Variants in POU6F2 observed in about 807,000 individuals in gnomAD.
POU6F2 encodes POU domain, class 6, transcription factor 2.
POU6F2 carries 31 observed loss-of-function variants against 71.3 expected under a neutral mutation model. The ratio of observed to expected loss-of-function variants is 0.43; its 90% confidence interval spans 0.33 to 0.59. The LOEUF (loss-of-function observed/expected upper bound fraction) is 0.59. Ranked by LOEUF, POU6F2 falls within the 20% of genes least tolerant of loss-of-function variation. The probability of loss-of-function intolerance (pLI) is 0.04; values close to 1 mark genes in which losing one functional copy is unlikely to be tolerated. For synonymous variants in POU6F2, 347 were observed against 355.7 expected, an observed-to-expected ratio of 0.98 and a Z score of 0.27; for missense variants, 783 against 856.8, an observed-to-expected ratio of 0.91 and a Z score of 1.07.
At chr7:39,171,945 G>A (rs1793225830) in intron 2 of POU6F2, among the ~76,000 whole-genome samples, 1 of 152,112 alleles carries the variant, frequency 6.6e-6, no homozygotes, top group African/African-American at 2.4e-5. Context: ...TTGCTTTTTT[G>A]TTTATTTGTT....
intron 5 of POU6F2, among the ~76,000 whole-genome samples, chr7:39,369,180 G>C (rs188684214): frequency 5.3e-5 from 8 of 152,254 alleles, no homozygotes; most frequent in African/African-American, 1.9e-4. Context: ...TGGTTGCTAA[G>C]ACAGCAGCAG....
intron 1 of POU6F2, among the ~76,000 whole-genome samples, chr7:39,071,554 C>G (rs1790879998): frequency 6.6e-6 from 1 of 151,792 alleles, no homozygotes; most frequent in African/African-American, 2.4e-5. Context: ...TGACTGACAC[C>G]TGTAATCCCA....
intron 4 of POU6F2, among the ~76,000 whole-genome samples, chr7:39,216,525 G>A (rs527482648): frequency 1.4e-4 from 22 of 152,222 alleles, no homozygotes; most frequent in Non-Finnish European, 2.6e-4. Context: ...CTGAAGTGGG[G>A]GACAGGTGAA....
At chr7:39,139,085 G>T (rs928904961) in intron 2 of POU6F2, among the ~76,000 whole-genome samples, 1 of 152,112 alleles carries the variant, frequency 6.6e-6, no homozygotes, top group Admixed American at 6.6e-5. Context: ...AAGAATTTTT[G>T]AACCAGGGGC....
intron 4 of POU6F2, among the ~76,000 whole-genome samples, chr7:39,285,306 T>C (rs561386250): frequency 1.0e-3 from 157 of 152,314 alleles, no homozygotes; most frequent in African/African-American, 3.8e-3. Context: ...GATGCACAGA[T>C]TGACAAAGGG....
chr7:39,442,447 CTT>C (rs1299114204), intron 7 of POU6F2, among the ~76,000 whole-genome samples: 1 of 152,236 alleles, frequency 6.6e-6, no homozygotes, highest in Non-Finnish European at 1.5e-5. Flanking sequence ...GAGACAGAGA[CTT>C]TGTCTTCTCA....
intron 2 of POU6F2, among the ~76,000 whole-genome samples, chr7:39,170,653 A>G (rs1793199631): frequency 6.6e-6 from 1 of 152,172 alleles, no homozygotes; most frequent in South Asian, 2.1e-4. Flanking sequence ...TGGAACAAAA[A>G]TCAGAATTAA....
At chr7:39,060,207 CAA>C (rs879331093) in intron 1 of POU6F2, among the ~76,000 whole-genome samples, 5 of 129,408 alleles carry the variant, frequency 3.9e-5, no homozygotes, top group African/African-American at 8.6e-5. Flanking sequence ...AATTCCGTCT[CAA>C]AAAAAAAAAA....
chr7:39,341,773 C>T (rs1785922196), intron 5 of POU6F2, among the ~76,000 whole-genome samples: 1 of 152,156 alleles, frequency 6.6e-6, no homozygotes, highest in Non-Finnish European at 1.5e-5. Flanking sequence ...TCAGCCTTCC[C>T]TGAACACTGT....
At chr7:39,333,650 A>G (rs1167014078) in intron 4 of POU6F2, among the ~76,000 whole-genome samples, 1 of 152,222 alleles carries the variant, frequency 6.6e-6, no homozygotes, top group African/African-American at 2.4e-5. Flanking sequence ...AGGCAGGAGA[A>G]TCGCTTGAAC....
At chr7:38,993,810 T>C (rs987134863) in intron 1 of POU6F2, among the ~76,000 whole-genome samples, 1 of 152,144 alleles carries the variant, frequency 6.6e-6, no homozygotes. Context: ...GAGTGCGTAT[T>C]TCGGAGCACT....
rs560906126 is a variant in POU6F2 at position 39,004,431 on chromosome 7, C to T, written c.105+26373C>T. 7.2e-5 allele frequency among the ~76,000 whole-genome samples: 11 copies of T among 152,314 alleles called. 1 individual carries two copies. In the South Asian group the frequency reaches 2.3e-3, roughly 32 times the overall value. On this transcript the variant is annotated intron_variant, in intron 1 of 9. Transcript: ENST00000518318. The stretch of plus-strand genomic sequence containing the variant: ...TTTTCCTGTTTCCTTGCATTCTGGA[C>T]ATTTTGAATGAGAATTTGTTCCACT...
In POU6F2 at chr7:39,464,119, C is replaced by T; in HGVS notation, c.1659-63C>T. 6.5e-7 allele frequency: 1 copy of T among 1,545,380 alleles called. No individual in the cohort carries two copies. The highest frequency in any genetic ancestry group is 1.9e-5 in the Admixed American group (1 of 53,740). ...CCTGCCAGGCAGTCAGGCAGGCAGG[C>T]AGGAGGCCCACCCTGGCAGAGGACT... On this transcript the variant is annotated intron_variant, in intron 9 of 9. Coordinates refer to ENST00000518318, the MANE Select transcript of POU6F2 (RefSeq NM_001370959.1). This position sits in a 1 kb window ranked among gnomAD's most constrained non-coding sequence, Gnocchi z 4.1.
intron 4 of POU6F2, among the ~76,000 whole-genome samples, chr7:39,275,672 CA>C (rs1784423707): frequency 6.6e-6 from 1 of 152,166 alleles, no homozygotes; most frequent in African/African-American, 2.4e-5. Context: ...CTACAGTAAC[CA>C]AAACAGCATG....
Position 39,412,778 on chromosome 7 carries a change from CTTTTTTTTTTTTTTTTTTTT to C in POU6F2, c.1113+6060_1113+6079del, listed in dbSNP as rs1166811956. 2.4e-3 allele frequency among the ~76,000 whole-genome samples: 56 copies of C among 23,182 alleles called. 1 individual carries two copies. The highest frequency in any genetic ancestry group is 4.7e-3 in the East Asian group (4 of 858). The allele number at this position is 23,182 out of a possible 152,430, so 15.2% of individuals were successfully genotyped here. A position where few individuals can be genotyped will look rare whatever the true frequency, so the allele number is the denominator to read the frequency against. ...TCCGTATTAGCTTCAGTTTTCTTGC[CTTTTTTTTTTTTTTTTTTTT>C]TTTTTTTTTTTTTTTTTTTTTGAGA... On this transcript the variant is annotated intron_variant, in intron 6 of 9. Transcript: ENST00000518318.
chr7:39,273,136 T>TCCC (rs1784369284), intron 4 of POU6F2, among the ~76,000 whole-genome samples: 1 of 152,052 alleles, frequency 6.6e-6, no homozygotes, highest in Non-Finnish European at 1.5e-5. Context: ...AAGGAAGAAT[T>TCCC]TCAAATAACA....
chr7:39,329,403 A>T (rs373928963), intron 4 of POU6F2, among the ~76,000 whole-genome samples: 1 of 152,142 alleles, frequency 6.6e-6, no homozygotes, highest in East Asian at 1.9e-4. Flanking sequence ...GGCAATTTCT[A>T]CTTTCTTAAG....
intron 5 of POU6F2, among the ~76,000 whole-genome samples, chr7:39,399,949 G>A (rs1259526336): frequency 6.6e-6 from 1 of 152,140 alleles, no homozygotes; most frequent in Admixed American, 6.5e-5. Flanking sequence ...GGAGTTTGGG[G>A]TGTACCACCC....
At chr7:39,122,592 A>G (rs1792063397) in intron 2 of POU6F2, among the ~76,000 whole-genome samples, 2 of 151,330 alleles carry the variant, frequency 1.3e-5, no homozygotes, top group Non-Finnish European at 2.9e-5. Flanking sequence ...CTGATGCTCC[A>G]TTTTCTGTTT....
Sources: allele counts gnomAD v4.1 joint callset (sites outside exome capture counted in the v4.1 genomes callset), GRCh38; gene constraint gnomAD v4.1.1; non-coding constraint Gnocchi (gnomAD v3.1); transcripts MANE v1.5; gene names NCBI Gene and HGNC (gene_info 2026-07-23, HGNC 2026-07-21).